Variants in ANK2 observed in about 807,000 individuals in gnomAD.
The protein encoded by ANK2 is ankyrin-2.
A neutral mutation model predicts 360.5 loss-of-function variants in ANK2; 83 were observed. The ratio of observed to expected loss-of-function variants is 0.23; its 90% confidence interval spans 0.19 to 0.28. ANK2 has a LOEUF of 0.28. ANK2 is among the 10% of genes least tolerant of loss of function. The probability of loss-of-function intolerance (pLI) is 1.00; values close to 1 mark genes in which losing one functional copy is unlikely to be tolerated. For missense variants in ANK2, 4,201 were observed against 4,795.7 expected, an observed-to-expected ratio of 0.88 and a Z score of 3.66; for synonymous variants, 1,740 against 1,759.5, an observed-to-expected ratio of 0.99 and a Z score of 0.28.
intron 2 of ANK2, among the ~76,000 whole-genome samples, chr4:112,969,446 A>G (rs1017800810): frequency 1.3e-5 from 2 of 152,094 alleles, no homozygotes; most frequent in African/African-American, 2.4e-5. Context: ...GATTTATGCC[A>G]TTGGCTTCCC....
intron 1 of ANK2, among the ~76,000 whole-genome samples, chr4:113,099,695 A>G (rs1403379932): frequency 6.6e-6 from 1 of 152,034 alleles, no homozygotes; most frequent in Non-Finnish European, 1.5e-5. Flanking sequence ...AAGAAAAATA[A>G]CAGAGGACTG....
chr4:113,199,077 A>G lies in ANK2; in HGVS notation c.352A>G (p.Lys118Glu), dbSNP rs1311169759. Residue 118 changes from lysine to glutamate, a missense_variant, in exon 4 of 46, where the codon AAG (lysine) becomes GAG (glutamate). Lys to Glu is a moderately conservative substitution (Grantham distance 56). Coordinates refer to ENST00000357077, the MANE Select transcript of ANK2 (RefSeq NM_001148.6). Reference sequence around the variant, plus strand: ...AGCAGAAGTTGTCAAAGTTCTTGTTAAGGAAGGAGCCAATATTAATGCACA... The same window carrying G: ...AGCAGAAGTTGTCAAAGTTCTTGTTGAGGAAGGAGCCAATATTAATGCACA... ...GQAEVVKVLVKEGANINAQSQ... is the reference protein window; with the variant it reads ...GQAEVVKVLVEEGANINAQSQ... 6.2e-7 allele frequency: 1 copy of G among 1,612,968 alleles called. No homozygotes were observed. The highest frequency in any genetic ancestry group is 1.3e-5 in the African/African-American group (1 of 74,884).
At chr4:113,186,993 C>CA (rs1481618839) in intron 2 of ANK2, among the ~76,000 whole-genome samples, 1 of 151,860 alleles carries the variant, frequency 6.6e-6, no homozygotes, top group Non-Finnish European at 1.5e-5. Flanking sequence ...GACCAAGATG[C>CA]AGATGAGCAA....
At chr4:113,283,726 A>T (rs1392543357) in intron 18 of ANK2, among the ~76,000 whole-genome samples, 1 of 152,164 alleles carries the variant, frequency 6.6e-6, no homozygotes, top group African/African-American at 2.4e-5. Flanking sequence ...AGAATTGGAA[A>T]CTGTATTTAT....
intron 2 of ANK2, among the ~76,000 whole-genome samples, chr4:112,914,560 C>T (rs1245133882): frequency 1.3e-5 from 2 of 152,110 alleles, no homozygotes; most frequent in South Asian, 2.1e-4. Flanking sequence ...AGGAGGATGG[C>T]GCCACTGCAC....
At chr4:113,351,416 T>A (rs2095407713) in intron 37 of ANK2, among the ~76,000 whole-genome samples, 1 of 152,204 alleles carries the variant, frequency 6.6e-6, no homozygotes, top group Admixed American at 6.5e-5. Flanking sequence ...AGATTCTGGA[T>A]GTTTTCATTG....
At chr4:113,315,622 G>A in intron 24 of ANK2, among the ~76,000 whole-genome samples, 1 of 152,140 alleles carries the variant, frequency 6.6e-6, no homozygotes, top group Non-Finnish European at 1.5e-5. Flanking sequence ...ATCTAGCCCG[G>A]GCATAGTGGC....
chr4:112,800,950 C>T, the ANK2 span, among the ~76,000 whole-genome samples: 4 of 152,128 alleles, frequency 2.6e-5, no homozygotes, highest in South Asian at 4.1e-4. Context: ...CCACTGCACC[C>T]GGCTGGCTTT....
intron 26 of ANK2, among the ~76,000 whole-genome samples, chr4:113,318,920 T>C (rs915161502): frequency 6.6e-6 from 1 of 152,222 alleles, no homozygotes; most frequent in Non-Finnish European, 1.5e-5. Flanking sequence ...ACTATTCACG[T>C]ACTGTCTTTA....
intron 2 of ANK2, among the ~76,000 whole-genome samples, chr4:113,186,400 A>G (rs961846916): frequency 3.3e-5 from 5 of 152,234 alleles, no homozygotes; most frequent in Admixed American, 6.5e-5. Flanking sequence ...TTTGAAGGTC[A>G]GCAACATCAA....
At chr4:112,811,843 G>A in the ANK2 span, among the ~76,000 whole-genome samples, 1 of 152,128 alleles carries the variant, frequency 6.6e-6, no homozygotes, top group Non-Finnish European at 1.5e-5. Context: ...TTGGGAGGCC[G>A]AGACGGGCGA....
At chr4:113,089,519 T>G (rs894250963) in intron 1 of ANK2, among the ~76,000 whole-genome samples, 4 of 152,200 alleles carry the variant, frequency 2.6e-5, no homozygotes, top group African/African-American at 9.6e-5. Context: ...AGAAATGATA[T>G]TTCATCAATT....
chr4:112,729,104 C>T, the ANK2 span, among the ~76,000 whole-genome samples: 16 of 151,976 alleles, frequency 1.1e-4, no homozygotes, highest in South Asian at 2.1e-4. Context: ...GGGGATGAGG[C>T]GGGAGGATAG....
chr4:112,950,566 C>T (rs951711645), intron 2 of ANK2, among the ~76,000 whole-genome samples: 9 of 150,816 alleles, frequency 6.0e-5, no homozygotes, highest in Non-Finnish European at 1.0e-4. Flanking sequence ...ATCACTTGAA[C>T]CTGGGAGGTG....
At chr4:113,023,740 T>C (rs1350945643) in intron 2 of ANK2, among the ~76,000 whole-genome samples, 1 of 152,228 alleles carries the variant, frequency 6.6e-6, no homozygotes, top group African/African-American at 2.4e-5. Flanking sequence ...GTCTTTGTTT[T>C]GTTCATTGCA....
intron 15 of ANK2, 107 bp from the exon 16 acceptor site, chr4:113,277,730 C>A: frequency 1.2e-6 from 1 of 826,246 alleles, no homozygotes; most frequent in East Asian, 2.7e-5. Context: ...AGTATTTTTT[C>A]CAAATGAAGA....
rs150296027 is a variant in ANK2, at chr4:113,357,158, C to T, written c.8540C>T (p.Ser2847Leu). The change falls in exon 38 of 46, where the codon TCA becomes TTA. Residue 2847 changes from serine (S) to leucine (L), a missense_variant. Transcript: ENST00000357077. The part of the protein sequence containing the change: ...ADCPSESFSS[S>L]SSLPHCLVSE... ...TGCCCCAGTGAAAGCTTTTCATCTT[C>T]ATCCTCTTTGCCTCATTGTTTGGTA... 2 of 1,614,116 alleles carry T rather than the reference C, an allele frequency of 1.2e-6. No individual in the cohort carries two copies. The highest frequency in any genetic ancestry group is 1.7e-6 in the Non-Finnish European group (2 of 1,179,978).
At chr4:113,256,375 T>A (rs1369080566) in intron 11 of ANK2, among the ~76,000 whole-genome samples, 1 of 152,230 alleles carries the variant, frequency 6.6e-6, no homozygotes, top group African/African-American at 2.4e-5. Flanking sequence ...GTATAAAATG[T>A]AAGTCTATGC....
intron 2 of ANK2, among the ~76,000 whole-genome samples, chr4:112,954,663 T>C (rs771163797): frequency 8.1e-4 from 123 of 152,188 alleles, no homozygotes; most frequent in Non-Finnish European, 1.3e-3. Flanking sequence ...TCTAAATAAA[T>C]AAGAATAGCA....
Sources: allele counts gnomAD v4.1 joint callset (sites outside exome capture counted in the v4.1 genomes callset), GRCh38; gene constraint gnomAD v4.1.1; transcripts MANE v1.5; gene names NCBI Gene and HGNC (gene_info 2026-07-23, HGNC 2026-07-21).